Variants in ZFAND3 observed in about 807,000 individuals in gnomAD.
ZFAND3 encodes AN1-type zinc finger protein 3.
Under a neutral mutation model 29.6 loss-of-function variants are expected in ZFAND3, and 10 were observed. That is an observed-to-expected ratio of 0.34 (90% CI 0.21 to 0.57). The LOEUF (loss-of-function observed/expected upper bound fraction) is 0.57, where lower values mean the gene tolerates loss of function less well. ZFAND3 is among the 20% of genes least tolerant of loss of function. The pLI, the probability that ZFAND3 is intolerant of heterozygous loss-of-function variation, is 0.86. For synonymous variants in ZFAND3, 128 were observed against 112.6 expected (o/e 1.14, Z -0.87); for missense variants, 230 against 304.5 (o/e 0.76, Z 1.82).
chr6:37,969,418 A>C (rs973733726), intron 2 of ZFAND3, among the ~76,000 whole-genome samples: 1 of 152,208 alleles, frequency 6.6e-6, no homozygotes, highest in Non-Finnish European at 1.5e-5. Flanking sequence ...TTAGGCTACA[A>C]CCTACCTTAT....
chr6:38,080,741 C>T (rs1395710328), intron 3 of ZFAND3, among the ~76,000 whole-genome samples: 1 of 152,114 alleles, frequency 6.6e-6, no homozygotes, highest in African/African-American at 2.4e-5. Context: ...GCAGAAGTTA[C>T]AGCATTTTAT....
intron 4 of ZFAND3, among the ~76,000 whole-genome samples, chr6:38,085,857 A>T (rs184447330): frequency 5.3e-5 from 8 of 152,360 alleles, no homozygotes; most frequent in Admixed American, 4.6e-4. Context: ...CAGTAAACAG[A>T]TCATTTTCTT....
intron 2 of ZFAND3, among the ~76,000 whole-genome samples, chr6:38,011,352 G>A (rs1581837319): frequency 6.6e-6 from 1 of 152,266 alleles, no homozygotes; most frequent in Non-Finnish European, 1.5e-5. Context: ...TACAGCAGCT[G>A]TATGCTTAAC....
At chr6:38,058,569 G>A (rs1052434268) in intron 2 of ZFAND3, among the ~76,000 whole-genome samples, 1 of 152,170 alleles carries the variant, frequency 6.6e-6, no homozygotes, top group Admixed American at 6.5e-5. Context: ...GATCACCTTA[G>A]CAGTTACTAA....
chr6:38,087,741 G>A (rs1246217954), intron 4 of ZFAND3, among the ~76,000 whole-genome samples: 1 of 152,162 alleles, frequency 6.6e-6, no homozygotes, highest in African/African-American at 2.4e-5. Flanking sequence ...ACTGTTGGTG[G>A]GAATGTAAAT....
intron 2 of ZFAND3, among the ~76,000 whole-genome samples, chr6:38,050,216 A>G (rs568462845): frequency 6.6e-6 from 1 of 151,880 alleles, no homozygotes; most frequent in East Asian, 1.9e-4. Context: ...CGGCCTTCCA[A>G]AGTGCTGGGA....
intron 2 of ZFAND3, among the ~76,000 whole-genome samples, chr6:37,942,075 C>T (rs895027674): frequency 1.3e-5 from 2 of 152,074 alleles, no homozygotes; most frequent in African/African-American, 4.8e-5. Flanking sequence ...TTAATCCAAA[C>T]TGAATGTAAT....
chr6:37,909,742 AAATGTTAC>A (rs1765487450), intron 1 of ZFAND3, among the ~76,000 whole-genome samples: 1 of 151,804 alleles, frequency 6.6e-6, no homozygotes, highest in South Asian at 2.1e-4. Context: ...TAGAATCTCA[AAATGTTAC>A]ATTCAAGCCT....
intron 2 of ZFAND3, among the ~76,000 whole-genome samples, chr6:37,999,777 A>C (rs1762912626): frequency 1.3e-5 from 2 of 152,346 alleles, no homozygotes; most frequent in South Asian, 4.1e-4. Context: ...CCTGGATGAG[A>C]TCCTGGAATG....
chr6:37,935,244 A>G (rs1054712851), intron 2 of ZFAND3, among the ~76,000 whole-genome samples: 1 of 152,216 alleles, frequency 6.6e-6, no homozygotes, highest in Non-Finnish European at 1.5e-5. Flanking sequence ...GACATGAGTT[A>G]TCAATTGATT....
At chr6:37,872,767 C>G (rs983761712) in intron 1 of ZFAND3, among the ~76,000 whole-genome samples, 1 of 152,108 alleles carries the variant, frequency 6.6e-6, no homozygotes, top group East Asian at 1.9e-4. Context: ...TTAGTTTATC[C>G]CTTCTACTGT....
At chr6:37,874,108 C>T (rs9470724) in intron 1 of ZFAND3, among the ~76,000 whole-genome samples, 108,338 of 151,962 alleles carry the variant, frequency 0.71, 39,358 homozygotes, top group African/African-American at 0.82. Context: ...TGTTCCTCTT[C>T]AGGCAGTGAA....
At chr6:37,875,471 A>AT (rs201285954) in intron 1 of ZFAND3, among the ~76,000 whole-genome samples, 53 of 147,668 alleles carry the variant, frequency 3.6e-4, no homozygotes, top group East Asian at 3.5e-3. Context: ...AAAGTAAATG[A>AT]TTTTTTTTTT....
chr6:37,854,071 C>T (rs11759496), intron 1 of ZFAND3, among the ~76,000 whole-genome samples: 32,545 of 152,006 alleles, frequency 0.21, 4,292 homozygotes, highest in African/African-American at 0.36. Context: ...CCTGCCTCAG[C>T]CTCCCGAGTA....
At chr6:37,861,409 G>C (rs1764488117) in intron 1 of ZFAND3, among the ~76,000 whole-genome samples, 1 of 152,164 alleles carries the variant, frequency 6.6e-6, no homozygotes, top group Admixed American at 6.5e-5. Context: ...ACAGGAGCGG[G>C]GAGGAAAAGG....
intron 5 of ZFAND3, among the ~76,000 whole-genome samples, chr6:38,124,606 C>T (rs769477574): frequency 3.3e-5 from 5 of 152,344 alleles, no homozygotes; most frequent in Non-Finnish European, 7.4e-5. Flanking sequence ...CCCCGGGCCG[C>T]TCCGAGTGTG....
intron 2 of ZFAND3, among the ~76,000 whole-genome samples, chr6:37,948,605 C>G (rs186642407): frequency 3.3e-5 from 5 of 152,320 alleles, no homozygotes; most frequent in East Asian, 3.9e-4. Flanking sequence ...GATCCTCACC[C>G]TCCTTCCATC....
intron 2 of ZFAND3, among the ~76,000 whole-genome samples, chr6:37,984,244 G>T (rs1382185639): frequency 1.3e-5 from 2 of 152,022 alleles, no homozygotes; most frequent in Admixed American, 1.3e-4. Context: ...TGACTCAAAA[G>T]TATAAAGGTC....
intron 2 of ZFAND3, chr6:38,002,779 T>C (rs1351447665): frequency 6.6e-6 from 1 of 152,202 alleles, no homozygotes; most frequent in Non-Finnish European, 1.5e-5. Flanking sequence ...ACCAAGTCTT[T>C]AGAATTTCGA....
Sources: allele counts gnomAD v4.1 joint callset (sites outside exome capture counted in the v4.1 genomes callset), GRCh38; gene constraint gnomAD v4.1.1; transcripts MANE v1.5; gene names NCBI Gene and HGNC (gene_info 2026-07-23, HGNC 2026-07-21).